Variants in PKNOX2 observed in about 807,000 individuals in gnomAD.
PKNOX2 encodes the protein PBX/knotted 1 homeobox 2, also known as homeobox protein PKNOX2.
Under a neutral mutation model 53.1 loss-of-function variants are expected in PKNOX2, and 14 were observed. The observed-to-expected ratio is 0.26, with a 90% confidence interval of 0.17 to 0.41. The LOEUF (loss-of-function observed/expected upper bound fraction) is 0.41, where lower values mean the gene tolerates loss of function less well. Among genes scored for constraint, PKNOX2 ranks in the 10% least tolerant of loss-of-function variants. The pLI is 1.00. For missense variants in PKNOX2, 496 were observed against 602.8 expected (o/e 0.82, Z 1.85); for synonymous variants, 257 against 242.8 (o/e 1.06, Z -0.54).
chr11:125,312,667 G>A (rs898942032), intron 2 of PKNOX2, among the ~76,000 whole-genome samples: 19 of 152,178 alleles, frequency 1.2e-4, no homozygotes, highest in African/African-American at 4.1e-4. Flanking sequence ...TCTGAGCACA[G>A]AGACAAAACC....
intron 2 of PKNOX2, among the ~76,000 whole-genome samples, chr11:125,329,821 T>A (rs1950031989): frequency 6.6e-6 from 1 of 152,126 alleles, no homozygotes. Flanking sequence ...AGAGCCATGG[T>A]GCAGGGTGGA....
At chr11:125,207,383 T>G (rs983156464) in intron 1 of PKNOX2, among the ~76,000 whole-genome samples, 4 of 151,780 alleles carry the variant, frequency 2.6e-5, no homozygotes, top group South Asian at 2.1e-4. Flanking sequence ...GAAATGTGAG[T>G]GCCGTTAGCC....
intron 1 of PKNOX2, among the ~76,000 whole-genome samples, chr11:125,213,677 T>C (rs1565470847): frequency 1.3e-5 from 2 of 152,214 alleles, no homozygotes; most frequent in East Asian, 3.9e-4. Flanking sequence ...AGGCTGGTCT[T>C]GAACTCTTGG....
In PKNOX2 at chr11:125,389,756, G is replaced by T. The variant is rs557280670; in HGVS notation, c.399+4034G>T. The stretch of plus-strand genomic sequence containing the variant: ...TATATTATGCAAGATTTCAAACCGT[G>T]GCTGTAAAACGTACGGTTTCAGTTT... On this transcript the variant is annotated intron_variant, in intron 6 of 12. Coordinates refer to ENST00000298282, the MANE Select transcript of PKNOX2 (RefSeq NM_001382323.2). Among the ~76,000 whole-genome samples the T allele has an allele frequency of 1.4e-4, 22 of 152,306 alleles. No homozygotes were observed. In the South Asian group the frequency reaches 4.3e-3, roughly 30 times the overall value.
chr11:125,247,464 C>A (rs1943646882), intron 2 of PKNOX2, among the ~76,000 whole-genome samples: 3 of 152,186 alleles, frequency 2.0e-5, no homozygotes, highest in Admixed American at 6.5e-5. Context: ...GTCCTAGAGC[C>A]AGCACAGGCC....
intron 1 of PKNOX2, among the ~76,000 whole-genome samples, chr11:125,201,490 G>C (rs1938434507): frequency 6.6e-6 from 1 of 152,218 alleles, no homozygotes; most frequent in African/African-American, 2.4e-5. Flanking sequence ...CCTGGAGAGA[G>C]AGTCAAGGCT....
At chr11:125,228,729 A>G (rs1355776205) in intron 1 of PKNOX2, among the ~76,000 whole-genome samples, 1 of 152,188 alleles carries the variant, frequency 6.6e-6, no homozygotes, top group East Asian at 1.9e-4. Context: ...CCATTATTCT[A>G]TTAGAGTTTC....
At chr11:125,347,081 G>A (rs1951021236) in intron 3 of PKNOX2, among the ~76,000 whole-genome samples, 1 of 152,200 alleles carries the variant, frequency 6.6e-6, no homozygotes, top group South Asian at 2.1e-4. Context: ...TGGCGTGAAG[G>A]AAGAAAACAG....
chr11:125,422,174 C>A lies in PKNOX2; in HGVS notation c.937-6838C>A, dbSNP rs1956206714. Among the ~76,000 whole-genome samples the A allele has an allele frequency of 6.6e-6, 1 of 152,164 alleles. No individual in the cohort carries two copies. The highest frequency in any genetic ancestry group is 2.1e-4 in the South Asian group (1 of 4,826). On this transcript the variant is annotated intron_variant, in intron 10 of 12. Transcript: ENST00000298282. The surrounding 1 kb of genome is among the most constrained non-coding windows in gnomAD (Gnocchi z 4.1). ...CCTCGCTCCAAGTTGTTGTGGTCCT[C>A]AAACCCTCTTCACCCCTTATTCTCA...
At chr11:125,426,534 T>A (rs1460207623) in intron 10 of PKNOX2, among the ~76,000 whole-genome samples, 1 of 151,938 alleles carries the variant, frequency 6.6e-6, no homozygotes, top group Non-Finnish European at 1.5e-5. Context: ...CTGCGTCTCC[T>A]TATTGTGCTA....
chr11:125,243,015 A>G (rs1424449530), intron 2 of PKNOX2, among the ~76,000 whole-genome samples: 1 of 152,224 alleles, frequency 6.6e-6, no homozygotes, highest in Non-Finnish European at 1.5e-5. Flanking sequence ...CTAGAAAGCA[A>G]GAATAATAAT....
intron 7 of PKNOX2, among the ~76,000 whole-genome samples, chr11:125,401,718 G>C (rs1474145261): frequency 3.3e-5 from 5 of 152,128 alleles, no homozygotes; most frequent in African/African-American, 1.2e-4. Flanking sequence ...GGCAGGTCTT[G>C]GGTTCAAGAC....
At chr11:125,202,216 C>T (rs890934353) in intron 1 of PKNOX2, among the ~76,000 whole-genome samples, 10 of 152,188 alleles carry the variant, frequency 6.6e-5, no homozygotes, top group Non-Finnish European at 1.5e-4. Context: ...CCCAAGACAG[C>T]CCCCCATCTC....
chr11:125,322,465 C>G (rs1190345218), intron 2 of PKNOX2, among the ~76,000 whole-genome samples: 1 of 152,192 alleles, frequency 6.6e-6, no homozygotes. Context: ...TATGCAGACA[C>G]AGTCACAAGC....
intron 2 of PKNOX2, among the ~76,000 whole-genome samples, chr11:125,295,067 A>C (rs2135929505): frequency 6.6e-6 from 1 of 152,276 alleles, no homozygotes; most frequent in African/African-American, 2.4e-5. Context: ...CAGACAGTGA[A>C]GCTAGAGGCG....
At chr11:125,223,192 C>A (rs763434513) in intron 1 of PKNOX2, among the ~76,000 whole-genome samples, 84 of 152,084 alleles carry the variant, frequency 5.5e-4, no homozygotes, top group Non-Finnish European at 8.2e-4. Flanking sequence ...CTCCATACCT[C>A]AGTTTACCTT....
At chr11:125,396,579 TTAA>T (rs769670493) in intron 6 of PKNOX2, among the ~76,000 whole-genome samples, 42 of 123,878 alleles carry the variant, frequency 3.4e-4, no homozygotes, top group African/African-American at 1.5e-3. Flanking sequence ...GCAGAAACTT[TTAA>T]AAAAAAAAAA....
At chr11:125,395,869 T>G (rs1000879909) in intron 6 of PKNOX2, among the ~76,000 whole-genome samples, 3 of 152,196 alleles carry the variant, frequency 2.0e-5, no homozygotes, top group Admixed American at 6.5e-5. Context: ...TCCTCCAGTA[T>G]GTAGTCTTTT....
chr11:125,174,341 C>T (rs1955544248), intron 1 of PKNOX2, among the ~76,000 whole-genome samples: 1 of 152,182 alleles, frequency 6.6e-6, no homozygotes, highest in Non-Finnish European at 1.5e-5. Flanking sequence ...GCCTCATCCT[C>T]TAGGAGCTAC....
Sources: allele counts gnomAD v4.1 joint callset (sites outside exome capture counted in the v4.1 genomes callset), GRCh38; gene constraint gnomAD v4.1.1; non-coding constraint Gnocchi (gnomAD v3.1); transcripts MANE v1.5; gene names NCBI Gene and HGNC (gene_info 2026-07-23, HGNC 2026-07-21).